Variants in CSTPP1 observed in about 807,000 individuals in gnomAD.
CSTPP1 encodes the protein centriolar satellite-associated tubulin polyglutamylase complex regulator 1, also known as UPF0705 protein C11orf49.
chr11:47,057,008 G>T, the CSTPP1 span, among the ~76,000 whole-genome samples: 4 of 152,114 alleles, frequency 2.6e-5, no homozygotes, highest in Non-Finnish European at 5.9e-5. Flanking sequence ...CTAAGGACCT[G>T]GTCCCTTTTG....
chr11:47,108,912 G>T, the CSTPP1 span: 2 of 151,920 alleles, frequency 1.3e-5, no homozygotes, highest in Non-Finnish European at 2.9e-5. Flanking sequence ...TCACCATGTT[G>T]GTCAGGCTTG....
chr11:47,154,975 G>A, the CSTPP1 span: 1 of 605,068 alleles, frequency 1.7e-6, no homozygotes, highest in African/African-American at 1.9e-5. Context: ...CCAATTGATG[G>A]AGCAGTGAGG....
the CSTPP1 span, among the ~76,000 whole-genome samples, chr11:47,121,068 C>T: frequency 6.6e-6 from 1 of 152,192 alleles, no homozygotes; most frequent in African/African-American, 2.4e-5. Context: ...ATCTAAGCAT[C>T]ATCTTTGTCA....
chr11:47,041,199 C>A, the CSTPP1 span: 2 of 206,136 alleles, frequency 9.7e-6, no homozygotes, highest in African/African-American at 2.3e-5. Context: ...CCTCACATAT[C>A]TTTCAGGATT....
the CSTPP1 span, chr11:47,157,713 C>A: frequency 8.9e-7 from 1 of 1,127,840 alleles, no homozygotes; most frequent in South Asian, 1.4e-5. Context: ...CAAGGCAGGT[C>A]CCTGGCTTGG....
At chr11:47,087,409 C>A in the CSTPP1 span, among the ~76,000 whole-genome samples, 3 of 152,096 alleles carry the variant, frequency 2.0e-5, no homozygotes, top group African/African-American at 4.8e-5. Context: ...GTTGTGAGAA[C>A]ATAAAAGATA....
the CSTPP1 span, chr11:47,161,154 T>G: frequency 6.2e-7 from 1 of 1,614,216 alleles, no homozygotes; most frequent in Non-Finnish European, 8.5e-7. Context: ...GGGGATCTGA[T>G]GCACGACCCA....
the CSTPP1 span, chr11:46,936,797 G>C: frequency 1.6e-5 from 25 of 1,610,314 alleles, no homozygotes; most frequent in Non-Finnish European, 2.1e-5. Context: ...AAGCCACCCC[G>C]GTCAAAGGAT....
the CSTPP1 span, among the ~76,000 whole-genome samples, chr11:47,007,178 G>T: frequency 1.3e-5 from 2 of 151,360 alleles, no homozygotes; most frequent in Non-Finnish European, 2.9e-5. Context: ...GATTACAGGC[G>T]CCCACCACCG....
the CSTPP1 span, among the ~76,000 whole-genome samples, chr11:46,978,219 G>A: frequency 1.1e-4 from 16 of 152,234 alleles, no homozygotes; most frequent in African/African-American, 2.6e-4. Flanking sequence ...GATAACATAC[G>A]CATAACAGAA....
chr11:47,095,618 TC>T, the CSTPP1 span, among the ~76,000 whole-genome samples: 1 of 152,202 alleles, frequency 6.6e-6, no homozygotes, highest in Admixed American at 6.5e-5. Flanking sequence ...TCTTGGGTGT[TC>T]CAGCACTTTT....
chr11:46,955,996 C>G, the CSTPP1 span, among the ~76,000 whole-genome samples: 160 of 149,780 alleles, frequency 1.1e-3, 1 homozygote, highest in Admixed American at 2.0e-3. Flanking sequence ...ACCCCCCCCC[C>G]CCCACCAAAA....
chr11:47,142,897 A>G, the CSTPP1 span, among the ~76,000 whole-genome samples: 1 of 152,160 alleles, frequency 6.6e-6, no homozygotes, highest in African/African-American at 2.4e-5. Flanking sequence ...CTCCTCACCT[A>G]GAGGCCTGCT....
At chr11:47,016,272 T>C in the CSTPP1 span, among the ~76,000 whole-genome samples, 1 of 152,206 alleles carries the variant, frequency 6.6e-6, no homozygotes, top group Admixed American at 6.5e-5. Context: ...ATTCTCACCA[T>C]TTTTGTTCAA....
At chr11:47,153,690 G>A in the CSTPP1 span, among the ~76,000 whole-genome samples, 1 of 152,308 alleles carries the variant, frequency 6.6e-6, no homozygotes, top group South Asian at 2.1e-4. Flanking sequence ...ACGCAGTAGG[G>A]CACTCAGGAA....
the CSTPP1 span, among the ~76,000 whole-genome samples, chr11:47,018,995 A>C: frequency 2.6e-5 from 4 of 152,134 alleles, no homozygotes; most frequent in South Asian, 8.3e-4. Flanking sequence ...TCAGTGTTAT[A>C]TACAGAGCAA....
At chr11:46,969,110 A>T in the CSTPP1 span, among the ~76,000 whole-genome samples, 2 of 152,138 alleles carry the variant, frequency 1.3e-5, no homozygotes, top group Non-Finnish European at 2.9e-5. Context: ...TTTTAAAAAG[A>T]TGAATATAGG....
chr11:46,955,479 T>C, the CSTPP1 span, among the ~76,000 whole-genome samples: 2 of 150,882 alleles, frequency 1.3e-5, no homozygotes, highest in South Asian at 4.3e-4. Context: ...TTCCCCCGCC[T>C]CAGCCTCCTG....
chr11:47,013,238 G>A, the CSTPP1 span, among the ~76,000 whole-genome samples: 1 of 147,170 alleles, frequency 6.8e-6, no homozygotes, highest in African/African-American at 2.6e-5. Flanking sequence ...TTTATTTATT[G>A]TTGTTGTTTT....
Sources: allele counts gnomAD v4.1 joint callset (sites outside exome capture counted in the v4.1 genomes callset), GRCh38; gene constraint gnomAD v4.1.1; transcripts MANE v1.5; gene names NCBI Gene and HGNC (gene_info 2026-07-23, HGNC 2026-07-21).